Variants in MTR observed in about 807,000 individuals in gnomAD.
MTR encodes 5-methyltetrahydrofolate-homocysteine methyltransferase.
MTR carries 84 observed loss-of-function variants against 154.8 expected under a neutral mutation model. The ratio of observed to expected loss-of-function variants is 0.54; its 90% CI spans 0.45 to 0.65. The LOEUF (loss-of-function observed/expected upper bound fraction) is 0.65, where lower values mean the gene tolerates loss of function less well. Ranked by LOEUF, MTR falls within the 30% of genes least tolerant of loss-of-function variation. MTR has a pLI of 0.00. For missense variants in MTR, 1,275 were observed against 1,570.2 expected (o/e 0.81, Z 3.18); for synonymous variants, 554 against 553.9 (o/e 1.00, Z 0.00).
chr1:236,874,890 A>G, intron 24 of MTR, 44 bp downstream of exon 24: 1 of 1,606,078 alleles, frequency 6.2e-7, no homozygotes, highest in Non-Finnish European at 8.5e-7. Context: ...AAATTTTCTT[A>G]TATGCCAGTG....
intron 1 of MTR, among the ~76,000 whole-genome samples, chr1:236,797,333 T>TA (rs1660451270): frequency 1.3e-5 from 2 of 152,308 alleles, no homozygotes; most frequent in South Asian, 4.2e-4. Flanking sequence ...GGTTGGGCCT[T>TA]AAAACTAAAT....
intron 20 of MTR, 33 bp downstream of exon 20, chr1:236,861,310 T>G (rs781091121): frequency 6.2e-7 from 1 of 1,613,510 alleles, no homozygotes; most frequent in Non-Finnish European, 8.5e-7. Flanking sequence ...TTTTCACAGT[T>G]GCATCTTTTC....
chr1:236,897,310 G>GCGCGCGCGCGCACACACACA lies in MTR; in HGVS notation c.3711+193_3711+194insGCGCGCGCGCACACACACAC. Among the ~76,000 whole-genome samples the GCGCGCGCGCGCACACACACA allele has an allele frequency of 5.3e-3, 683 of 128,672 alleles. 10 individuals carry two copies. The highest frequency in any genetic ancestry group is 0.022 in the East Asian group (94 of 4,366). The allele number at this position is 128,672 out of a possible 152,430, so 84.4% of individuals were successfully genotyped here. On this transcript the variant is annotated intron_variant, in intron 32 of 32. Transcript: ENST00000366577. ...ACTTCTACATGCAAGCCACACACAC[G>GCGCGCGCGCGCACACACACA]CACACACACACACACACACACACAC...
chr1:236,809,324 C>T (rs1334091939), intron 4 of MTR, among the ~76,000 whole-genome samples: 1 of 152,144 alleles, frequency 6.6e-6, no homozygotes, highest in African/African-American at 2.4e-5. Flanking sequence ...AAAAGTGGCT[C>T]CTGAAATAAC....
chr1:236,824,359 G>T, intron 9 of MTR, 140 bp downstream of exon 9: 1 of 792,922 alleles, frequency 1.3e-6, no homozygotes, highest in Non-Finnish European at 2.2e-6. Flanking sequence ...AGAGTGTCTG[G>T]GTGCAGTGTT....
At chr1:236,864,092 A>G (rs1664701062) in intron 22 of MTR, among the ~76,000 whole-genome samples, 1 of 152,214 alleles carries the variant, frequency 6.6e-6, no homozygotes, top group Admixed American at 6.5e-5. Flanking sequence ...CTATCTTATT[A>G]TAATTAATAA....
chr1:236,798,533 T>G (rs767044678), intron 1 of MTR, among the ~76,000 whole-genome samples: 4 of 152,212 alleles, frequency 2.6e-5, no homozygotes, highest in Admixed American at 6.5e-5. Flanking sequence ...CACTCAAAAC[T>G]GGAGAAAATA....
At position 236,894,467 on chromosome 1, in the gene MTR, T is replaced by C. The variant is rs1221565565; in HGVS notation, c.3315T>C (p.Phe1105=). The C allele has an allele frequency of 6.2e-7, 1 of 1,613,982 alleles. No individual in the cohort carries two copies. Among genetic ancestry groups the C allele is most frequent in the Non-Finnish European group, 8.5e-7 (1 of 1,180,018 alleles). ...DYLGLFAVAC[F]GVEELSKAYE... ...TGGGCCTGTTTGCCGTTGCCTGCTTTGGGGTAGAAGAGCTGAGCAAGGCCT... is the reference window on the plus strand; with the variant it reads ...TGGGCCTGTTTGCCGTTGCCTGCTTCGGGGTAGAAGAGCTGAGCAAGGCCT... The change falls in exon 30 of 33, where the codon TTT becomes TTC. Residue 1105 remains phenylalanine (F), a synonymous_variant. Coordinates refer to ENST00000366577, the MANE Select transcript of MTR (RefSeq NM_000254.3).
rs74836743 is a variant in MTR at position 236,819,033 on chromosome 1, G to A, written c.764+2490G>A. On this transcript the variant is annotated intron_variant, in intron 8 of 32. Coordinates refer to ENST00000366577, the MANE Select transcript of MTR (RefSeq NM_000254.3). ...TTTTCTTTTTTTCTTTTGAGATGGA[G>A]TCTCAAAATTCTCTCATTATCAACA... Among the ~76,000 whole-genome samples the A allele has an allele frequency of 8.5e-5, 13 of 152,232 alleles. No homozygotes were observed. The East Asian group carries it at 2.5e-3, about 29-fold the overall frequency.
intron 18 of MTR, among the ~76,000 whole-genome samples, chr1:236,859,261 G>T (rs1664384909): frequency 6.6e-6 from 1 of 152,236 alleles, no homozygotes; most frequent in Non-Finnish European, 1.5e-5. Flanking sequence ...TAGCAAACCT[G>T]CTTCCATGGT....
chr1:236,858,880 G>T (rs1464301858), intron 18 of MTR, among the ~76,000 whole-genome samples: 1 of 152,148 alleles, frequency 6.6e-6, no homozygotes, highest in East Asian at 1.9e-4. Flanking sequence ...TGCTGAATCT[G>T]CCCCTTCTCA....
chr1:236,835,413 C>T (rs1376285910), intron 13 of MTR, 134 bp from the exon 14 acceptor site: 11 of 1,024,010 alleles, frequency 1.1e-5, no homozygotes, highest in Non-Finnish European at 1.7e-5. Context: ...GGACAGCAGG[C>T]CCGGAGTCAG....
chr1:236,865,391 A>G lies in MTR; in HGVS notation c.2405+1837A>G, dbSNP rs3768143. Among the ~76,000 whole-genome samples, 28 of 152,338 alleles carry G rather than the reference A, an allele frequency of 1.8e-4. 1 individual carries two copies. In the East Asian group the frequency reaches 5.4e-3, roughly 29 times the overall value. Reference sequence around the variant, plus strand: ...ATTTTATGGTGTCAGCTAGTAGACAAGTGTCCCTGGAGATTGTCTTATGGA... The same window carrying G: ...ATTTTATGGTGTCAGCTAGTAGACAGGTGTCCCTGGAGATTGTCTTATGGA... On this transcript the variant is annotated intron_variant, in intron 22 of 32. Transcript: ENST00000366577.
At chr1:236,886,235 A>T in intron 26 of MTR, 57 bp from the exon 27 acceptor site, 1 of 1,407,798 alleles carries the variant, frequency 7.1e-7, no homozygotes. Context: ...ACATGTTTTC[A>T]CAGTAGTTGT....
chr1:236,814,959 A>C (rs1661502180), intron 6 of MTR, among the ~76,000 whole-genome samples: 1 of 152,246 alleles, frequency 6.6e-6, no homozygotes, highest in Non-Finnish European at 1.5e-5. Flanking sequence ...TAATTGTGAA[A>C]ACATACATAT....
intron 18 of MTR, among the ~76,000 whole-genome samples, chr1:236,858,526 A>G (rs1436685323): frequency 3.3e-5 from 5 of 152,184 alleles, no homozygotes; most frequent in Non-Finnish European, 7.3e-5. Flanking sequence ...AGCAATAGGA[A>G]ACTTACACAG....
intron 4 of MTR, among the ~76,000 whole-genome samples, chr1:236,809,418 T>C (rs1466513294): frequency 3.9e-5 from 6 of 152,106 alleles, no homozygotes. Context: ...ATAAGAAATA[T>C]ATGTAGCCCC....
rs1275748821 is a variant in MTR, at chr1:236,891,330, G to T, written c.3204+1G>T. The T allele has an allele frequency of 1.2e-6, 2 of 1,613,856 alleles. No individual in the cohort carries two copies. Among genetic ancestry groups the T allele is most frequent in the Non-Finnish European group, 1.7e-6 (2 of 1,179,858 alleles). ...CACCTTCTATGGGTTAAGGCAACAG[G>T]TATGGAAGGTGTACTGACAGCCAGC... On this transcript the variant is annotated splice_donor_variant, in intron 29 of 32. Transcript: ENST00000366577. LOFTEE classifies it high-confidence loss of function.
Position 236,795,503 on chromosome 1 carries a change from C to G in MTR, c.-201C>G, listed in dbSNP as rs111840642. The G allele has an allele frequency of 0.018, 26,855 of 1,521,628 alleles. 301 individuals carry two copies. The highest frequency in any genetic ancestry group is 0.025 in the Middle Eastern group (146 of 5,908). 94.3% of individuals were successfully genotyped at this position (1,521,628 alleles called of 1,614,324 possible). On this transcript the variant is annotated 5_prime_UTR_variant, in exon 1 of 33. Transcript: ENST00000366577. ...GTGCTCCAGCAGTTGCCGCGCCCAG[C>G]CCCGAGAGAGGCCCTAGGGCGCTGC...
Sources: allele counts gnomAD v4.1 joint callset (sites outside exome capture counted in the v4.1 genomes callset), GRCh38; gene constraint gnomAD v4.1.1; transcripts MANE v1.5; gene names NCBI Gene and HGNC (gene_info 2026-07-23, HGNC 2026-07-21).